Variants in MEOX2 observed in about 807,000 individuals in gnomAD.
The protein encoded by MEOX2 is homeobox protein MOX-2.
MEOX2 carries 11 observed loss-of-function variants against 27.0 expected under a neutral mutation model. That is an observed-to-expected ratio of 0.41 (90% confidence interval 0.26 to 0.68). The LOEUF (loss-of-function observed/expected upper bound fraction) is 0.68, where lower values mean the gene tolerates loss of function less well. Ranked by LOEUF, MEOX2 falls within the 30% of genes least tolerant of loss-of-function variation. The probability of loss-of-function intolerance (pLI) is 0.33; values close to 1 mark genes in which losing one functional copy is unlikely to be tolerated. For missense variants in MEOX2, 436 were observed against 385.4 expected, an observed-to-expected ratio of 1.13 and a Z score of -1.10; for synonymous variants, 189 against 155.4, an observed-to-expected ratio of 1.22 and a Z score of -1.61.
At chr7:15,619,213 C>G (rs1278788344) in intron 2 of MEOX2, among the ~76,000 whole-genome samples, 1 of 151,920 alleles carries the variant, frequency 6.6e-6, no homozygotes, top group Non-Finnish European at 1.5e-5. Context: ...CTCAAAATAT[C>G]TAGAAGCATC....
intron 1 of MEOX2, among the ~76,000 whole-genome samples, chr7:15,634,822 A>G (rs1488895834): frequency 6.6e-6 from 1 of 152,004 alleles, no homozygotes; most frequent in Non-Finnish European, 1.5e-5. Context: ...TGTCAGTGCT[A>G]ATTCACCCAA....
At chr7:15,684,552 T>C (rs140167462) in intron 1 of MEOX2, among the ~76,000 whole-genome samples, 69 of 152,272 alleles carry the variant, frequency 4.5e-4, no homozygotes, top group African/African-American at 1.6e-3. Flanking sequence ...CATCCTATAG[T>C]AACGCTGAAG....
At chr7:15,658,098 T>C (rs992911562) in intron 1 of MEOX2, among the ~76,000 whole-genome samples, 1 of 150,444 alleles carries the variant, frequency 6.6e-6, no homozygotes, top group African/African-American at 2.4e-5. Flanking sequence ...GTAGGTGGAG[T>C]CGTCCTCGTT....
rs192678190 is a variant in MEOX2, at chr7:15,680,727, G to A, written c.517+5159C>T. 3.6e-3 allele frequency: 553 copies of A among 151,970 alleles called. 5 individuals are homozygous for A. Among genetic ancestry groups the A allele is most frequent in the African/African-American group, 0.013 (526 of 41,530 alleles). The allele number at this position is 151,970 out of a possible 1,614,324, so 9.4% of individuals were successfully genotyped here. Reference sequence around the variant, plus strand: ...TCAGTAAACCATATTAACATCTAAAGCACATGATATGTAGAAACAAATTGT... The same window carrying A: ...TCAGTAAACCATATTAACATCTAAAACACATGATATGTAGAAACAAATTGT... On this transcript the variant is annotated intron_variant, in intron 1 of 2. Transcript: ENST00000262041.
At chr7:15,640,885 G>A (rs1025840088) in intron 1 of MEOX2, among the ~76,000 whole-genome samples, 8 of 152,060 alleles carry the variant, frequency 5.3e-5, no homozygotes, top group Non-Finnish European at 7.4e-5. Context: ...TAACTTGAAC[G>A]TGATGAATTA....
intron 1 of MEOX2, among the ~76,000 whole-genome samples, chr7:15,648,469 C>G (rs374123698): frequency 6.6e-6 from 1 of 152,088 alleles, no homozygotes; most frequent in Non-Finnish European, 1.5e-5. Context: ...TAAGATGGCT[C>G]TCTTTTGGAA....
At chr7:15,675,238 T>C (rs1782173720) in intron 1 of MEOX2, among the ~76,000 whole-genome samples, 1 of 152,210 alleles carries the variant, frequency 6.6e-6, no homozygotes. Flanking sequence ...TCAGGTACTT[T>C]GGTAATTGAC....
At chr7:15,651,661 G>A (rs1202038131) in intron 1 of MEOX2, among the ~76,000 whole-genome samples, 1 of 151,940 alleles carries the variant, frequency 6.6e-6, no homozygotes, top group Admixed American at 6.6e-5. Flanking sequence ...TTAATTCTGA[G>A]AAATCTTGCA....
At chr7:15,636,393 G>A (rs1328343239) in intron 1 of MEOX2, among the ~76,000 whole-genome samples, 1 of 151,926 alleles carries the variant, frequency 6.6e-6, no homozygotes, top group East Asian at 1.9e-4. Context: ...AATGCATAAA[G>A]GTAATGAAAT....
intron 1 of MEOX2, among the ~76,000 whole-genome samples, chr7:15,632,682 G>T (rs535451009): frequency 6.6e-6 from 1 of 152,002 alleles, no homozygotes; most frequent in East Asian, 1.9e-4. Context: ...ACACAGATTT[G>T]ATTCTTCTAA....
intron 1 of MEOX2, among the ~76,000 whole-genome samples, chr7:15,663,066 T>C (rs909897599): frequency 3.9e-5 from 6 of 152,266 alleles, no homozygotes; most frequent in Non-Finnish European, 7.4e-5. Context: ...AAATAACCAA[T>C]CTGTAAATCT....
rs1781044066 is a variant in MEOX2 at position 15,612,232 on chromosome 7, A to C, written c.*155T>G. 3 of 657,546 alleles carry C rather than the reference A, an allele frequency of 4.6e-6. No homozygotes were observed. In the East Asian group the frequency reaches 8.2e-5, roughly 18 times the overall value. 40.7% of individuals were successfully genotyped at this position (657,546 alleles called of 1,614,324 possible). ...CTTTAATAAGTGGCACTTTGTGTAAACCCTCTATAAATCATGAAAAACAGA... is the reference window on the plus strand; with the variant it reads ...CTTTAATAAGTGGCACTTTGTGTAACCCCTCTATAAATCATGAAAAACAGA... On this transcript the variant is annotated 3_prime_UTR_variant, in exon 3 of 3. Transcript: ENST00000262041.
At chr7:15,653,378 G>T (rs367792418) in intron 1 of MEOX2, among the ~76,000 whole-genome samples, 2 of 151,578 alleles carry the variant, frequency 1.3e-5, no homozygotes, top group African/African-American at 4.8e-5. Context: ...TTTGATGTTC[G>T]TCCTTTATCA....
intron 1 of MEOX2, among the ~76,000 whole-genome samples, chr7:15,649,287 T>C (rs994063998): frequency 5.9e-5 from 9 of 152,106 alleles, no homozygotes; most frequent in African/African-American, 2.2e-4. Flanking sequence ...TAATATATTA[T>C]GTAACTTCAT....
chr7:15,641,242 C>T (rs1457982846), intron 1 of MEOX2, among the ~76,000 whole-genome samples: 1 of 152,044 alleles, frequency 6.6e-6, no homozygotes, highest in Non-Finnish European at 1.5e-5. Flanking sequence ...TCCTGGTTCT[C>T]TCTTGGGAGA....
intron 1 of MEOX2, 116 bp from the exon 2 acceptor site, chr7:15,627,034 A>G (rs1292010183): frequency 1.1e-6 from 1 of 941,032 alleles, no homozygotes; most frequent in Non-Finnish European, 1.6e-6. Flanking sequence ...ACATGGAACA[A>G]ATAGAGACCA....
At chr7:15,617,101 G>T (rs1359432386) in intron 2 of MEOX2, among the ~76,000 whole-genome samples, 3 of 151,924 alleles carry the variant, frequency 2.0e-5, no homozygotes, top group Non-Finnish European at 4.4e-5. Context: ...TCTATATAAT[G>T]CAATAACCCA....
chr7:15,635,974 T>C (rs971526049), intron 1 of MEOX2, among the ~76,000 whole-genome samples: 2 of 152,000 alleles, frequency 1.3e-5, no homozygotes, highest in Non-Finnish European at 2.9e-5. Context: ...GCATACCCAA[T>C]AAAACGGAGT....
At chr7:15,615,852 A>G (rs960439785) in intron 2 of MEOX2, among the ~76,000 whole-genome samples, 1 of 152,058 alleles carries the variant, frequency 6.6e-6, no homozygotes, top group Non-Finnish European at 1.5e-5. Context: ...CCTGGCAGAA[A>G]AAGAGGAGAA....
Sources: allele counts gnomAD v4.1 joint callset (sites outside exome capture counted in the v4.1 genomes callset), GRCh38; gene constraint gnomAD v4.1.1; transcripts MANE v1.5; gene names NCBI Gene and HGNC (gene_info 2026-07-23, HGNC 2026-07-21).